The following NTRK3 variants were observed in gnomAD, a reference collection of about 807,000 sequenced individuals.
NTRK3 encodes the protein neurotrophic receptor tyrosine kinase 3, also known as NT-3 growth factor receptor.
Under a neutral mutation model 91.7 loss-of-function variants are expected in NTRK3, and 24 were observed. That is an observed-to-expected ratio of 0.26 (90% confidence interval 0.19 to 0.37). NTRK3 has a LOEUF of 0.37. NTRK3 is among the 10% of genes least tolerant of loss of function. The probability of loss-of-function intolerance (pLI) is 1.00; values close to 1 mark genes in which losing one functional copy is unlikely to be tolerated. For synonymous variants in NTRK3, 483 were observed against 404.0 expected, an observed-to-expected ratio of 1.20 and a Z score of -2.34; for missense variants, 880 against 1,068.9, an observed-to-expected ratio of 0.82 and a Z score of 2.46.
At chr15:87,918,751 C>T (rs567357533) in intron 17 of NTRK3, among the ~76,000 whole-genome samples, 3 of 152,236 alleles carry the variant, frequency 2.0e-5, no homozygotes. Context: ...ATCCCTCACA[C>T]ATGGATCTTG....
intron 15 of NTRK3, among the ~76,000 whole-genome samples, chr15:87,939,119 T>C (rs1282768891): frequency 1.3e-5 from 2 of 152,138 alleles, no homozygotes; most frequent in Non-Finnish European, 2.9e-5. Flanking sequence ...AATATTTACC[T>C]TTAGAGAAAA....
At chr15:87,943,956 C>T (rs1213078006) in intron 14 of NTRK3, among the ~76,000 whole-genome samples, 1 of 152,068 alleles carries the variant, frequency 6.6e-6, no homozygotes, top group Non-Finnish European at 1.5e-5. Context: ...AGTGTCTTCC[C>T]CAAATGTGCA....
intron 3 of NTRK3, among the ~76,000 whole-genome samples, chr15:88,208,284 A>G (rs1597961883): frequency 6.6e-6 from 1 of 150,450 alleles, no homozygotes; most frequent in South Asian, 2.1e-4. Context: ...ATCTCATCTG[A>G]CTCCTGCTTG....
At chr15:88,108,341 G>T (rs1291449433) in intron 13 of NTRK3, among the ~76,000 whole-genome samples, 1 of 152,192 alleles carries the variant, frequency 6.6e-6, no homozygotes, top group Non-Finnish European at 1.5e-5. Context: ...TCTACGCTGG[G>T]ATCTTGGACA....
intron 14 of NTRK3, among the ~76,000 whole-genome samples, chr15:87,987,121 A>G (rs2074884001): frequency 6.6e-6 from 1 of 152,268 alleles, no homozygotes; most frequent in Admixed American, 6.5e-5. Context: ...CTGTGGTTTA[A>G]TAAGCTCCTC....
chr15:88,223,166 C>A (rs578227262), intron 3 of NTRK3, among the ~76,000 whole-genome samples: 1 of 152,338 alleles, frequency 6.6e-6, no homozygotes, highest in Admixed American at 6.5e-5. Context: ...GCTGGAACAC[C>A]CCCAGCACAC....
At chr15:88,190,406 C>T (rs969801535) in intron 3 of NTRK3, among the ~76,000 whole-genome samples, 6 of 152,300 alleles carry the variant, frequency 3.9e-5, no homozygotes, top group South Asian at 2.1e-4. Context: ...TACATCAATA[C>T]GACCAGCCTA....
intron 13 of NTRK3, among the ~76,000 whole-genome samples, chr15:88,093,713 T>C (rs907392785): frequency 6.6e-6 from 1 of 152,090 alleles, no homozygotes; most frequent in African/African-American, 2.4e-5. Context: ...CCATGAGCAC[T>C]ATGGACCAGA....
At chr15:87,903,239 C>T (rs1272782743) in intron 17 of NTRK3, among the ~76,000 whole-genome samples, 3 of 152,234 alleles carry the variant, frequency 2.0e-5, no homozygotes, top group South Asian at 2.1e-4. Context: ...TGTCACAATT[C>T]TTGTAGTCAT....
At chr15:88,242,895 CT>C (rs1186358059) in intron 3 of NTRK3, among the ~76,000 whole-genome samples, 1 of 152,240 alleles carries the variant, frequency 6.6e-6, no homozygotes, top group Non-Finnish European at 1.5e-5. Context: ...CCCCCATTAG[CT>C]GTCTGTTATG....
intron 13 of NTRK3, among the ~76,000 whole-genome samples, chr15:88,123,229 A>T (rs1597440892): frequency 6.6e-6 from 1 of 152,212 alleles, no homozygotes; most frequent in East Asian, 1.9e-4. Context: ...TGAGGGAGGT[A>T]GTATTATTAC....
rs559443107 is a variant in NTRK3 at position 87,886,960 on chromosome 15, G to T, written c.2134-6532C>A. Among the ~76,000 whole-genome samples, 6 of 151,790 alleles carry T rather than the reference G, an allele frequency of 4.0e-5. No homozygotes were observed. In the South Asian group the frequency reaches 1.3e-3, roughly 32 times the overall value. ...ACTGGTTTATTGCACTTGGTTTGTT[G>T]ATGTAAAAAAAATAGAAGTCAGGAA... On this transcript the variant is annotated intron_variant, in intron 17 of 18. Transcript: ENST00000394480.
exon 19 of NTRK3, chr15:87,875,574 A>C (rs888385356): frequency 8.6e-6 from 2 of 232,638 alleles, no homozygotes; most frequent in South Asian, 3.6e-4. Context: ...CCCAGCCCAC[A>C]AAAGTGATTT....
chr15:88,100,488 A>G (rs1298831054), intron 13 of NTRK3, among the ~76,000 whole-genome samples: 1 of 152,208 alleles, frequency 6.6e-6, no homozygotes, highest in Non-Finnish European at 1.5e-5. Context: ...TTACCATTCC[A>G]TCTTCTGTGA....
At chr15:87,995,891 A>C (rs74411938) in intron 14 of NTRK3, among the ~76,000 whole-genome samples, 9 of 152,258 alleles carry the variant, frequency 5.9e-5, no homozygotes, top group Admixed American at 1.3e-4. Flanking sequence ...TTTGAATTTC[A>C]TATAATTTTC....
intron 14 of NTRK3, among the ~76,000 whole-genome samples, chr15:88,027,204 A>C (rs1195785825): frequency 1.3e-5 from 2 of 152,002 alleles, no homozygotes; most frequent in South Asian, 4.2e-4. Context: ...ATCTGGAACA[A>C]GTAGCTTAAG....
At chr15:88,020,565 T>C (rs1232971868) in intron 14 of NTRK3, among the ~76,000 whole-genome samples, 1 of 152,174 alleles carries the variant, frequency 6.6e-6, no homozygotes, top group Non-Finnish European at 1.5e-5. Flanking sequence ...GTTGTAAAAA[T>C]ATTGCTGTCA....
At chr15:87,991,031 A>G (rs2141487099) in intron 14 of NTRK3, among the ~76,000 whole-genome samples, 1 of 152,248 alleles carries the variant, frequency 6.6e-6, no homozygotes, top group Middle Eastern at 3.4e-3. Context: ...ACCAATGGTT[A>G]CCCCATGACT....
exon 19 of NTRK3, chr15:87,859,951 T>G (rs527800982): frequency 2.1e-4 from 40 of 189,136 alleles, no homozygotes; most frequent in Non-Finnish European, 3.8e-4. Flanking sequence ...GATGGATATA[T>G]ACATATATAC....
Sources: allele counts gnomAD v4.1 joint callset (sites outside exome capture counted in the v4.1 genomes callset), GRCh38; gene constraint gnomAD v4.1.1; transcripts MANE v1.5; gene names NCBI Gene and HGNC (gene_info 2026-07-23, HGNC 2026-07-21).